The following LCORL variants were observed in gnomAD, a reference collection of about 807,000 sequenced individuals.
LCORL encodes the protein ligand dependent nuclear receptor corepressor like.
LCORL carries 41 observed loss-of-function variants against 141.8 expected under a neutral mutation model. The observed-to-expected ratio is 0.29, with a 90% CI of 0.23 to 0.38. The LOEUF (loss-of-function observed/expected upper bound fraction) is 0.38. Ranked by LOEUF, LCORL falls within the 10% of genes least tolerant of loss-of-function variation. The pLI, the probability that LCORL is intolerant of heterozygous loss-of-function variation, is 1.00. For missense variants in LCORL, 1,759 were observed against 2,035.0 expected (o/e 0.86, Z 2.61); for synonymous variants, 618 against 694.1 (o/e 0.89, Z 1.72).
rs898110322 is a variant in LCORL at position 18,014,927 on chromosome 4, T to C, written c.154+6671A>G. 2.6e-5 allele frequency among the ~76,000 whole-genome samples: 4 copies of C among 152,322 alleles called. No individual in the cohort carries two copies. In the South Asian group the frequency reaches 6.2e-4, roughly 24 times the overall value. ...TACAGTTAGGCAGGTCCTTAAAATT[T>C]TGGACCTATGTCCTTGGTGCTCTGT... On this transcript the variant is annotated intron_variant, in intron 1 of 7. Transcript: ENST00000635767.
chr4:17,895,111 G>A (rs1353113067), intron 5 of LCORL, among the ~76,000 whole-genome samples: 1 of 151,678 alleles, frequency 6.6e-6, no homozygotes, highest in Non-Finnish European at 1.5e-5. Context: ...ATGTATACAT[G>A]TACACATTGT....
chr4:17,886,029 T>C, intron 6 of LCORL, 39 bp downstream of exon 6: 2 of 1,057,108 alleles, frequency 1.9e-6, no homozygotes, highest in South Asian at 1.5e-5. Context: ...GAGATAATTT[T>C]ATATTAATAT....
intron 1 of LCORL, among the ~76,000 whole-genome samples, chr4:17,998,927 T>A (rs1229812933): frequency 7.8e-6 from 1 of 128,152 alleles, no homozygotes; most frequent in Non-Finnish European, 1.6e-5. Flanking sequence ...ATCACACCAC[T>A]GCACTCTAGC....
At chr4:17,965,652 GA>G (rs1483830189) in intron 2 of LCORL, among the ~76,000 whole-genome samples, 7 of 152,054 alleles carry the variant, frequency 4.6e-5, no homozygotes, top group African/African-American at 1.7e-4. Context: ...TCCAGATTTT[GA>G]AATAGGAGAA....
chr4:17,944,808 G>A (rs1299187754), intron 4 of LCORL, among the ~76,000 whole-genome samples: 1 of 152,028 alleles, frequency 6.6e-6, no homozygotes, highest in Non-Finnish European at 1.5e-5. Flanking sequence ...GTCTATTTGG[G>A]TTGCAATAAT....
intron 2 of LCORL, among the ~76,000 whole-genome samples, chr4:17,969,092 G>A (rs1032290994): frequency 2.0e-5 from 3 of 152,150 alleles, no homozygotes; most frequent in African/African-American, 7.2e-5. Flanking sequence ...CTACCAATAA[G>A]ACATAAAAGA....
chr4:17,990,960 G>C lies in LCORL; in HGVS notation c.155-18075C>G, dbSNP rs185758072. On this transcript the variant is annotated intron_variant, in intron 1 of 7. Coordinates refer to ENST00000635767, the Ensembl canonical transcript of LCORL. ...GATTTGAAAGCAAAATCATGTTACAGAGTACACACAGAAAAACTACCTTCA... is the reference window on the plus strand; with the variant it reads ...GATTTGAAAGCAAAATCATGTTACACAGTACACACAGAAAAACTACCTTCA... 5.8e-4 allele frequency among the ~76,000 whole-genome samples: 89 copies of C among 152,206 alleles called. No homozygotes were observed. The East Asian group carries it at 9.1e-3, about 16-fold the overall frequency.
At chr4:17,860,214 C>CGCCT (rs1212215763) in intron 7 of LCORL, among the ~76,000 whole-genome samples, 1 of 152,188 alleles carries the variant, frequency 6.6e-6, no homozygotes, top group Non-Finnish European at 1.5e-5. Flanking sequence ...AACTATACTA[C>CGCCT]GAGGCTACTG....
At chr4:17,998,790 C>G (rs1721318679) in intron 1 of LCORL, among the ~76,000 whole-genome samples, 1 of 150,980 alleles carries the variant, frequency 6.6e-6, no homozygotes, top group Non-Finnish European at 1.5e-5. Flanking sequence ...CATAACGAAA[C>G]CCTGTCTCTG....
intron 5 of LCORL, among the ~76,000 whole-genome samples, chr4:17,887,251 C>T (rs529453395): frequency 5.8e-4 from 88 of 151,920 alleles, no homozygotes; most frequent in Admixed American, 1.1e-3. Context: ...ATACAAAGTA[C>T]CTATTGTCAT....
chr4:17,945,156 A>T (rs1005678453), intron 4 of LCORL, among the ~76,000 whole-genome samples: 1 of 152,154 alleles, frequency 6.6e-6, no homozygotes, highest in Non-Finnish European at 1.5e-5. Context: ...TTTAGAGATA[A>T]GGGTAATTCT....
chr4:17,922,356 G>A (rs1010296268), intron 4 of LCORL, among the ~76,000 whole-genome samples: 25 of 152,172 alleles, frequency 1.6e-4, no homozygotes, highest in African/African-American at 6.0e-4. Context: ...ACTGTTTAAA[G>A]AGTTAGGTAA....
chr4:17,907,715 C>T (rs911405229), intron 5 of LCORL, among the ~76,000 whole-genome samples: 6 of 152,112 alleles, frequency 3.9e-5, no homozygotes, highest in East Asian at 1.9e-4. Flanking sequence ...ACCCCCCCAC[C>T]GGCTTTTTAA....
chr4:17,863,295 A>G (rs536263477), intron 7 of LCORL, among the ~76,000 whole-genome samples: 1 of 152,318 alleles, frequency 6.6e-6, no homozygotes, highest in South Asian at 2.1e-4. Flanking sequence ...CGGCCTGGGC[A>G]ACAGAGTGAG....
chr4:17,876,781 TCTC>T, exon 7 of LCORL: 1 of 1,230,896 alleles, frequency 8.1e-7, no homozygotes, highest in Non-Finnish European at 1.0e-6. Context: ...TCTGCAGATT[TCTC>T]CTGTGGCTTT....
chr4:17,844,083 G>A (rs571945747), exon 8 of LCORL: 1 of 151,994 alleles, frequency 6.6e-6, no homozygotes, highest in South Asian at 2.1e-4. Context: ...CAACATAAAT[G>A]TATTATTAAC....
chr4:17,959,801 A>G (rs1348724015), intron 4 of LCORL, among the ~76,000 whole-genome samples: 1 of 152,112 alleles, frequency 6.6e-6, no homozygotes, highest in Non-Finnish European at 1.5e-5. Context: ...TGCATTTGGG[A>G]TATTTTCAGG....
At chr4:17,926,878 A>G (rs1247927505) in intron 4 of LCORL, among the ~76,000 whole-genome samples, 1 of 152,212 alleles carries the variant, frequency 6.6e-6, no homozygotes, top group Non-Finnish European at 1.5e-5. Context: ...AATTTTTGGC[A>G]TGGTAAATGA....
chr4:17,864,722 C>G (rs1199455662), intron 7 of LCORL, among the ~76,000 whole-genome samples: 1 of 152,050 alleles, frequency 6.6e-6, no homozygotes, highest in South Asian at 2.1e-4. Flanking sequence ...CAAAGGCAAG[C>G]CTCAATTCTG....
Sources: allele counts gnomAD v4.1 joint callset (sites outside exome capture counted in the v4.1 genomes callset), GRCh38; gene constraint gnomAD v4.1.1; transcripts MANE v1.5; gene names NCBI Gene and HGNC (gene_info 2026-07-23, HGNC 2026-07-21).